Variants in GPRC6A observed in about 807,000 individuals in gnomAD.
GPRC6A encodes G protein-coupled receptor family C group 6 member A.
A neutral mutation model predicts 47.0 loss-of-function variants in GPRC6A; 54 were observed. The observed-to-expected ratio is 1.15, with a 90% CI of 0.92 to 1.44. The LOEUF (loss-of-function observed/expected upper bound fraction) is 1.44, where lower values mean the gene tolerates loss of function less well. GPRC6A is among the 40% of genes most tolerant of loss of function. The probability of loss-of-function intolerance (pLI) is 0.00; values close to 1 mark genes in which losing one functional copy is unlikely to be tolerated. For missense variants in GPRC6A, 1,112 were observed against 1,105.5 expected (o/e 1.01, Z -0.08); for synonymous variants, 347 against 377.1 (o/e 0.92, Z 0.93).
intron 2 of GPRC6A, 51 bp downstream of exon 2, chr6:116,809,263 A>T: frequency 6.9e-7 from 1 of 1,459,582 alleles, no homozygotes. Flanking sequence ...TGATCCTTTC[A>T]TAATAACAAA....
intron 5 of GPRC6A, 74 bp downstream of exon 5, chr6:116,795,632 CAAACCA>C (rs950175216): frequency 7.4e-6 from 9 of 1,215,680 alleles, no homozygotes; most frequent in Non-Finnish European, 9.9e-6. Flanking sequence ...AAATGAAAAA[CAAACCA>C]AAATAAAATT....
chr6:116,811,747 T>G (rs1259386618), intron 1 of GPRC6A, among the ~76,000 whole-genome samples: 1 of 151,820 alleles, frequency 6.6e-6, no homozygotes, highest in African/African-American at 2.4e-5. Flanking sequence ...AACAATAGAT[T>G]AGTTCAAGCA....
In GPRC6A at chr6:116,792,248, C is replaced by A; in HGVS notation, c.2675G>T (p.Trp892Leu). Residue 892 changes from tryptophan to leucine, a missense_variant, in exon 6 of 6, where the codon TGG becomes TTG. Trp to Leu is a moderately conservative substitution (Grantham distance 61). Transcript: ENST00000310357. ...TGCCTGAAGATCTTTGCTTTTCTGC[C>A]AGGTTGCAGACTTGCCACTAGAGCT... ...NPSSSGKSAT[W>L]QKSKDLQAQA... The A allele has an allele frequency of 6.2e-7, 1 of 1,613,968 alleles. No homozygotes were observed. Among genetic ancestry groups the A allele is most frequent in the African/African-American group, 1.3e-5 (1 of 74,992 alleles).
chr6:116,820,836 G>C (rs1348721370), intron 1 of GPRC6A, among the ~76,000 whole-genome samples: 1 of 148,788 alleles, frequency 6.7e-6, no homozygotes, highest in Non-Finnish European at 1.5e-5. Context: ...CCTATTCAAC[G>C]TAGTGTTGGA....
At chr6:116,795,637 C>T in intron 5 of GPRC6A, 75 bp downstream of exon 5, 1 of 1,245,054 alleles carries the variant, frequency 8.0e-7, no homozygotes, top group Non-Finnish European at 1.1e-6. Context: ...AAAAACAAAC[C>T]AAAATAAAAT....
intron 4 of GPRC6A, among the ~76,000 whole-genome samples, chr6:116,797,095 C>T (rs996029980): frequency 1.3e-5 from 2 of 151,150 alleles, no homozygotes; most frequent in Non-Finnish European, 2.9e-5. Context: ...CATGTGTTCT[C>T]ATTGTTCAAT....
rs529154638 is a variant in GPRC6A at position 116,810,012 on chromosome 6, C to CA, written c.195-396_195-395insT. Among the ~76,000 whole-genome samples, 39 of 152,206 alleles carry CA rather than the reference C, an allele frequency of 2.6e-4. 1 individual carries two copies. In the South Asian group the frequency reaches 5.2e-3, roughly 20 times the overall value. ...TGATTCTAGTCTGTGTGATTGGAAA[C>CA]CAGATAAATAAGACTCTTAAGAATT... On this transcript the variant is annotated intron_variant, in intron 1 of 5. Transcript: ENST00000310357.
intron 1 of GPRC6A, among the ~76,000 whole-genome samples, chr6:116,812,101 G>C (rs367789035): frequency 1.3e-5 from 2 of 152,092 alleles, no homozygotes; most frequent in Non-Finnish European, 2.9e-5. Context: ...CAATGACAAA[G>C]AGAGAATTCT....
At chr6:116,812,234 A>G (rs537923847) in intron 1 of GPRC6A, among the ~76,000 whole-genome samples, 1 of 152,302 alleles carries the variant, frequency 6.6e-6, no homozygotes, top group East Asian at 1.9e-4. Flanking sequence ...AGTGTTGAGG[A>G]AAAAACCCTG....
rs747080866 is a variant in GPRC6A at position 116,828,868 on chromosome 6, A to G, written c.146T>C (p.Leu49Ser). ...TCGTCTGGGAGAGTCTTCTGAGGAC[A>G]ACATTTTTTCATGAATAGCAAACAA... is the stretch of plus-strand genomic sequence containing the variant. ...GGLFAIHEKM[L>S]SSEDSPRRPQ... The change falls in exon 1 of 6, where the codon TTG becomes TCG. Residue 49 changes from leucine to serine, a missense_variant. Leu to Ser is a moderately radical substitution (Grantham distance 145). Transcript: ENST00000310357. 6 of 1,613,364 alleles carry G rather than the reference A, an allele frequency of 3.7e-6. No homozygotes were observed. The highest frequency in any genetic ancestry group is 5.1e-6 in the Non-Finnish European group (6 of 1,179,546).
chr6:116,828,726 T>A (rs977316020), intron 1 of GPRC6A, 94 bp downstream of exon 1: 10 of 1,027,134 alleles, frequency 9.7e-6, no homozygotes, highest in African/African-American at 4.9e-5. Context: ...TTTATTTTTT[T>A]AAATGATTTA....
At chr6:116,822,038 A>C (rs1773504721) in intron 1 of GPRC6A, among the ~76,000 whole-genome samples, 1 of 144,928 alleles carries the variant, frequency 6.9e-6, no homozygotes, top group Admixed American at 6.9e-5. Context: ...ACCCCATCAA[A>C]AAGTGGGTGA....
At chr6:116,821,032 T>C (rs906972445) in intron 1 of GPRC6A, among the ~76,000 whole-genome samples, 3 of 150,578 alleles carry the variant, frequency 2.0e-5, no homozygotes, top group Non-Finnish European at 3.0e-5. Flanking sequence ...AAAATCAATG[T>C]ACAAAAATCA....
At chr6:116,795,980 G>A (rs993394) in intron 4 of GPRC6A, 145 bp from the exon 5 acceptor site, 171,173 of 539,178 alleles carry the variant, frequency 0.32, 29,208 homozygotes, top group East Asian at 0.52. Flanking sequence ...TTTTGCCATC[G>A]TGGGAAATGT....
At chr6:116,806,269 A>G in intron 3 of GPRC6A, 101 bp downstream of exon 3, 1 of 731,214 alleles carries the variant, frequency 1.4e-6, no homozygotes, top group Non-Finnish European at 2.4e-6. Flanking sequence ...TAAAAGGAAT[A>G]GGATTAAGAG....
At chr6:116,820,529 C>A (rs1392502162) in intron 1 of GPRC6A, among the ~76,000 whole-genome samples, 5 of 150,232 alleles carry the variant, frequency 3.3e-5, no homozygotes, top group African/African-American at 7.4e-5. Flanking sequence ...TGGGCTTCAT[C>A]CCTGGGATGC....
At chr6:116,798,269 G>A (rs1309929359) in intron 4 of GPRC6A, among the ~76,000 whole-genome samples, 1 of 152,170 alleles carries the variant, frequency 6.6e-6, no homozygotes, top group Non-Finnish European at 1.5e-5. Flanking sequence ...CTGAGGTGGT[G>A]ACATTTTAGA....
Position 116,806,387 on chromosome 6 carries a change from C to T in GPRC6A, c.1318G>A (p.Ala440Thr), listed in dbSNP as rs776424776. The change falls in exon 3 of 6, where the codon GCC becomes ACC. Residue 440 changes from alanine to threonine, a missense_variant. Transcript: ENST00000310357. ...CQARDCQNPNAFQPWELLGVL... is the reference protein window; with the variant it reads ...CQARDCQNPNTFQPWELLGVL... Reference sequence around the variant, plus strand: ...GTTAGTACCTCCCATGGTTGAAAGGCGTTGGGGTTCTGACAGTCACGAGCT... The same window carrying T: ...GTTAGTACCTCCCATGGTTGAAAGGTGTTGGGGTTCTGACAGTCACGAGCT... The T allele has an allele frequency of 1.2e-5, 19 of 1,607,844 alleles. No homozygotes were observed. Among genetic ancestry groups the T allele is most frequent in the African/African-American group, 8.0e-5 (6 of 74,718 alleles).
chr6:116,806,020 A>T (rs1772825278), intron 3 of GPRC6A, among the ~76,000 whole-genome samples: 2 of 152,140 alleles, frequency 1.3e-5, no homozygotes, highest in Non-Finnish European at 2.9e-5. Flanking sequence ...TTAGTAAAAA[A>T]CAAAAGGATT....
Sources: gnomAD v4.1 joint callset for allele counts (sites outside exome capture counted in the v4.1 genomes callset) on GRCh38, gnomAD v4.1.1 for gene constraint, MANE v1.5 for transcripts, NCBI Gene and HGNC (gene_info 2026-07-23, HGNC 2026-07-21) for gene names.